TCERG1L: variants seen among roughly 807,000 people sequenced by gnomAD.
The protein encoded by TCERG1L is transcription elongation regulator 1 like, also known as transcription elongation regulator 1-like protein.
In TCERG1L, 37 loss-of-function variants were observed where a neutral mutation model predicts 56.3. The ratio of observed to expected loss-of-function variants is 0.66; its 90% CI spans 0.51 to 0.87. The LOEUF is 0.87. Among genes scored for constraint, TCERG1L ranks in the 40% least tolerant of loss-of-function variants. TCERG1L has a pLI of 0.00. For synonymous variants in TCERG1L, 324 were observed against 326.3 expected (o/e 0.99, Z 0.08); for missense variants, 799 against 774.2 (o/e 1.03, Z -0.38).
chr10:131,302,048 A>G (rs1324200674), intron 3 of TCERG1L, among the ~76,000 whole-genome samples: 2 of 152,136 alleles, frequency 1.3e-5, no homozygotes, highest in Admixed American at 6.5e-5. Flanking sequence ...TAGGTGTGGT[A>G]AATTCATTTG....
At chr10:131,294,521 A>G (rs1564835992) in intron 3 of TCERG1L, among the ~76,000 whole-genome samples, 2 of 151,768 alleles carry the variant, frequency 1.3e-5, no homozygotes, top group African/African-American at 4.8e-5. Context: ...GCCCAAATAA[A>G]CTCTCTGTAT....
chr10:131,293,400 A>C (rs2133575728), intron 3 of TCERG1L, among the ~76,000 whole-genome samples: 1 of 152,190 alleles, frequency 6.6e-6, no homozygotes, highest in South Asian at 2.1e-4. Context: ...TTGATCAAAA[A>C]CCGCCTAAAT....
intron 4 of TCERG1L, among the ~76,000 whole-genome samples, chr10:131,219,822 C>A (rs141636716): frequency 6.6e-6 from 1 of 152,248 alleles, no homozygotes; most frequent in South Asian, 2.1e-4. Context: ...AACTAAGGGA[C>A]GGGAAGGTAA....
chr10:131,224,667 C>T (rs2133501753), intron 4 of TCERG1L, among the ~76,000 whole-genome samples: 1 of 152,294 alleles, frequency 6.6e-6, no homozygotes, highest in South Asian at 2.1e-4. Context: ...CGTCCTCCCT[C>T]ACTGGACCCC....
intron 4 of TCERG1L, among the ~76,000 whole-genome samples, chr10:131,225,353 G>A (rs1317884336): frequency 6.6e-6 from 1 of 152,156 alleles, no homozygotes; most frequent in African/African-American, 2.4e-5. Flanking sequence ...TCACGCAGAA[G>A]AACCTGAGAG....
intron 8 of TCERG1L, among the ~76,000 whole-genome samples, chr10:131,122,808 A>G (rs532379458): frequency 2.0e-5 from 3 of 152,262 alleles, no homozygotes; most frequent in African/African-American, 7.2e-5. Context: ...TGTCTGAGGT[A>G]GGGGTGGCCT....
At chr10:131,175,391 C>A (rs1206181001) in intron 4 of TCERG1L, among the ~76,000 whole-genome samples, 1 of 152,194 alleles carries the variant, frequency 6.6e-6, no homozygotes, top group Non-Finnish European at 1.5e-5. Context: ...TGGGGAAAAC[C>A]ATCTTCAATG....
At chr10:131,255,977 G>GT (rs565278897) in intron 4 of TCERG1L, among the ~76,000 whole-genome samples, 155 of 152,348 alleles carry the variant, frequency 1.0e-3, no homozygotes, top group Non-Finnish European at 1.6e-3. Context: ...TTTAAATCCA[G>GT]TAAGTGTTCC....
intron 3 of TCERG1L, among the ~76,000 whole-genome samples, chr10:131,276,477 T>C (rs1354618365): frequency 6.6e-6 from 1 of 152,240 alleles, no homozygotes; most frequent in Non-Finnish European, 1.5e-5. Flanking sequence ...CACTTCATTA[T>C]GTTCAACACA....
intron 4 of TCERG1L, among the ~76,000 whole-genome samples, chr10:131,251,864 C>T (rs967145312): frequency 2.6e-5 from 4 of 152,206 alleles, no homozygotes; most frequent in Admixed American, 6.5e-5. Flanking sequence ...TAACGCCAGC[C>T]GTCACCACCA....
intron 4 of TCERG1L, among the ~76,000 whole-genome samples, chr10:131,207,280 A>C (rs182839033): frequency 5.3e-5 from 8 of 151,712 alleles, no homozygotes; most frequent in Admixed American, 2.0e-4. Context: ...AGGTCACAGG[A>C]GCTTTCCAAA....
At chr10:131,296,752 C>T (rs1354982604) in intron 3 of TCERG1L, among the ~76,000 whole-genome samples, 1 of 152,192 alleles carries the variant, frequency 6.6e-6, no homozygotes, top group Non-Finnish European at 1.5e-5. Flanking sequence ...TCTATCCCTC[C>T]ATTTATTAAT....
chr10:131,179,647 A>T (rs1845148488), intron 4 of TCERG1L, among the ~76,000 whole-genome samples: 1 of 152,200 alleles, frequency 6.6e-6, no homozygotes. Context: ...AGGGGCTTCC[A>T]CTAATTCTTC....
chr10:131,161,097 G>C (rs956939996), intron 6 of TCERG1L: 1 of 152,210 alleles, frequency 6.6e-6, no homozygotes, highest in Admixed American at 6.5e-5. Flanking sequence ...GTGCCGCAGA[G>C]TGACATTTCT....
chr10:131,126,172 C>T (rs1258726827), intron 8 of TCERG1L, among the ~76,000 whole-genome samples: 1 of 152,220 alleles, frequency 6.6e-6, no homozygotes, highest in Non-Finnish European at 1.5e-5. Context: ...TGCCTAAGGC[C>T]AGACAGGCCC....
intron 7 of TCERG1L, among the ~76,000 whole-genome samples, chr10:131,138,815 A>G (rs1845701698): frequency 6.6e-6 from 1 of 152,238 alleles, no homozygotes; most frequent in Non-Finnish European, 1.5e-5. Context: ...GTACATTTAC[A>G]CATGGTTAAA....
intron 4 of TCERG1L, among the ~76,000 whole-genome samples, chr10:131,212,553 A>G (rs1845630125): frequency 6.6e-6 from 1 of 152,240 alleles, no homozygotes; most frequent in Admixed American, 6.5e-5. Flanking sequence ...GGAATGGTAA[A>G]TGAAAGAAGT....
intron 8 of TCERG1L, among the ~76,000 whole-genome samples, chr10:131,126,599 G>T (rs965017199): frequency 2.0e-5 from 3 of 151,992 alleles, no homozygotes. Context: ...GACTCTGCTG[G>T]GGACCGTGTT....
At chr10:131,225,175 T>C (rs2133502265) in intron 4 of TCERG1L, among the ~76,000 whole-genome samples, 1 of 152,336 alleles carries the variant, frequency 6.6e-6, no homozygotes, top group Non-Finnish European at 1.5e-5. Context: ...ATGCACTGTA[T>C]TAGTTTATCA....
Sources: allele counts gnomAD v4.1 joint callset (sites outside exome capture counted in the v4.1 genomes callset), GRCh38; gene constraint gnomAD v4.1.1; transcripts MANE v1.5; gene names NCBI Gene and HGNC (gene_info 2026-07-23, HGNC 2026-07-21).